ALK: variants seen among roughly 807,000 people sequenced by gnomAD.
ALK encodes the protein ALK tyrosine kinase receptor.
ALK carries 74 observed loss-of-function variants against 163.1 expected under a neutral mutation model. The ratio of observed to expected loss-of-function variants is 0.45; its 90% CI spans 0.38 to 0.55. ALK has a LOEUF of 0.55. Ranked by LOEUF, ALK falls within the 20% of genes least tolerant of loss-of-function variation. The pLI is 0.00. For missense variants in ALK, 2,063 were observed against 2,105.3 expected (o/e 0.98, Z 0.39); for synonymous variants, 960 against 843.2 (o/e 1.14, Z -2.40).
At chr2:29,447,658 T>A (rs926606069) in intron 4 of ALK, among the ~76,000 whole-genome samples, 4 of 151,934 alleles carry the variant, frequency 2.6e-5, no homozygotes, top group African/African-American at 9.7e-5. Flanking sequence ...AGAAAGAGAG[T>A]GGCTGGGGGA....
At chr2:29,203,688 C>G (rs1172313765) in intron 26 of ALK, among the ~76,000 whole-genome samples, 2 of 151,282 alleles carry the variant, frequency 1.3e-5, no homozygotes. Context: ...GTTTCACCAT[C>G]TTGGCCAGGC....
intron 3 of ALK, among the ~76,000 whole-genome samples, chr2:29,684,774 C>T (rs528890686): frequency 1.3e-5 from 2 of 152,214 alleles, no homozygotes; most frequent in Admixed American, 1.3e-4. Flanking sequence ...CTGGGAAGCA[C>T]TGTGCTTTAA....
At chr2:29,739,240 TAAAAAAAAAAAAAAAAAAAA>T (rs57381961) in intron 1 of ALK, among the ~76,000 whole-genome samples, 5 of 40,298 alleles carry the variant, frequency 1.2e-4, no homozygotes, top group African/African-American at 2.1e-4. Flanking sequence ...CAGTCTCTCT[TAAAAAAAAAAAAAAAAAAAA>T]AAAAAAAAAG....
At chr2:29,834,903 C>G (rs1425476046) in intron 1 of ALK, among the ~76,000 whole-genome samples, 2 of 152,212 alleles carry the variant, frequency 1.3e-5, no homozygotes, top group Non-Finnish European at 2.9e-5. Context: ...TCATGGCAGG[C>G]AAAATTCCAT....
In ALK at chr2:29,288,951, C is replaced by CA. The variant is rs770578645; in HGVS notation, c.1817+7936dup. On this transcript the variant is annotated intron_variant, in intron 9 of 28. Transcript: ENST00000389048. Reference sequence around the variant, plus strand: ...TGGGCGACAGAGGGAGACTCCTTCTCAAAAAAATAAATAAATAAATAAATA... The same window carrying CA: ...TGGGCGACAGAGGGAGACTCCTTCTCAAAAAAAATAAATAAATAAATAAATA... Among the ~76,000 whole-genome samples, 32 of 24,162 alleles carry CA rather than the reference C, an allele frequency of 1.3e-3. 1 individual carries two copies. The highest frequency in any genetic ancestry group is 3.5e-3 in the Non-Finnish European group (13 of 3,686). The allele number at this position is 24,162 out of a possible 152,430, so 15.9% of individuals were successfully genotyped here. A position where few individuals can be genotyped will look rare whatever the true frequency, so the allele number is the denominator to read the frequency against.
At chr2:29,299,302 C>T (rs193098569) in intron 8 of ALK, among the ~76,000 whole-genome samples, 159 of 152,298 alleles carry the variant, frequency 1.0e-3, no homozygotes, top group Non-Finnish European at 1.8e-3. Flanking sequence ...CAACAACTGT[C>T]GATGGTTTCT....
chr2:29,855,112 C>A (rs181850752), intron 1 of ALK, among the ~76,000 whole-genome samples: 4 of 152,288 alleles, frequency 2.6e-5, no homozygotes, highest in African/African-American at 7.2e-5. Flanking sequence ...AATTCTGGTG[C>A]ATGGCATGGA....
chr2:29,376,392 G>T (rs981238992), intron 5 of ALK, among the ~76,000 whole-genome samples: 1 of 152,216 alleles, frequency 6.6e-6, no homozygotes, highest in African/African-American at 2.4e-5. Context: ...GGGTTAGGGT[G>T]CAAATTAAAT....
rs529363640 is a variant in ALK, at chr2:29,479,188, C to T, written c.1154+52727G>A. Among the ~76,000 whole-genome samples the T allele has an allele frequency of 3.9e-5, 6 of 152,000 alleles. No homozygotes were observed. In the South Asian group the frequency reaches 8.3e-4, roughly 21 times the overall value. On this transcript the variant is annotated intron_variant, in intron 4 of 28. Coordinates refer to ENST00000389048, the MANE Select transcript of ALK (RefSeq NM_004304.5). ...CATCTCCCATCTCCTGTGATGTCCC[C>T]GAAATGATGGCTCACCCTGAAGCAG...
At chr2:29,557,164 C>T (rs1178683265) in intron 3 of ALK, among the ~76,000 whole-genome samples, 1 of 152,044 alleles carries the variant, frequency 6.6e-6, no homozygotes, top group African/African-American at 2.4e-5. Context: ...AAAGCAAATG[C>T]AACAATTTTT....
At chr2:29,515,590 G>T (rs1045840246) in intron 4 of ALK, among the ~76,000 whole-genome samples, 1 of 152,112 alleles carries the variant, frequency 6.6e-6, no homozygotes, top group South Asian at 2.1e-4. Context: ...GAGGCATAAT[G>T]GGATCATGTG....
intron 1 of ALK, among the ~76,000 whole-genome samples, chr2:29,851,337 C>T (rs1220627182): frequency 6.6e-6 from 1 of 152,182 alleles, no homozygotes; most frequent in Non-Finnish European, 1.5e-5. Context: ...GCCTTCTACA[C>T]TTGCTCTTCC....
intron 3 of ALK, among the ~76,000 whole-genome samples, chr2:29,561,775 C>T (rs555270535): frequency 6.6e-6 from 1 of 152,208 alleles, no homozygotes; most frequent in African/African-American, 2.4e-5. Context: ...CTCTTTTTGT[C>T]TGAAGCAGTT....
chr2:29,544,482 T>C (rs1383866333), intron 3 of ALK, among the ~76,000 whole-genome samples: 2 of 152,204 alleles, frequency 1.3e-5, no homozygotes, highest in Non-Finnish European at 2.9e-5. Flanking sequence ...TTACTGTGTA[T>C]AATGTTCTAT....
chr2:29,577,266 T>C (rs1478142935), intron 3 of ALK, among the ~76,000 whole-genome samples: 1 of 152,154 alleles, frequency 6.6e-6, no homozygotes, highest in Non-Finnish European at 1.5e-5. Context: ...CTTTGAGTCA[T>C]TTTACCCTTC....
At chr2:29,612,490 T>C (rs1675724034) in intron 3 of ALK, among the ~76,000 whole-genome samples, 1 of 152,174 alleles carries the variant, frequency 6.6e-6, no homozygotes, top group Non-Finnish European at 1.5e-5. Context: ...TTCTCTCTGT[T>C]TCCAAAGTGA....
chr2:29,597,118 G>A (rs1464351292), intron 3 of ALK, among the ~76,000 whole-genome samples: 1 of 152,166 alleles, frequency 6.6e-6, no homozygotes, highest in Non-Finnish European at 1.5e-5. Context: ...TAAGACAAAG[G>A]CAACCGCATT....
chr2:29,434,019 T>C (rs1362927889), intron 4 of ALK, among the ~76,000 whole-genome samples: 1 of 152,198 alleles, frequency 6.6e-6, no homozygotes, highest in Non-Finnish European at 1.5e-5. Context: ...CCAGTCAATG[T>C]GCTTTGTAAA....
intron 11 of ALK, among the ~76,000 whole-genome samples, chr2:29,267,130 CT>C: frequency 6.6e-6 from 1 of 152,012 alleles, no homozygotes; most frequent in Non-Finnish European, 1.5e-5. Context: ...CCCACACTAG[CT>C]TTAAAAAAGT....
Sources: gnomAD v4.1 joint callset for allele counts (sites outside exome capture counted in the v4.1 genomes callset) on GRCh38, gnomAD v4.1.1 for gene constraint, MANE v1.5 for transcripts, NCBI Gene and HGNC (gene_info 2026-07-23, HGNC 2026-07-21) for gene names.